DPP10: variants seen among roughly 807,000 people sequenced by gnomAD.
DPP10 encodes inactive dipeptidyl peptidase 10.
Under a neutral mutation model 120.9 loss-of-function variants are expected in DPP10, and 33 were observed. That is an observed-to-expected ratio of 0.27 (90% CI 0.21 to 0.37). The LOEUF (loss-of-function observed/expected upper bound fraction) is 0.37. DPP10 is among the 10% of genes least tolerant of loss of function. The probability of loss-of-function intolerance (pLI) is 1.00; values close to 1 mark genes in which losing one functional copy is unlikely to be tolerated. For synonymous variants in DPP10, 337 were observed against 326.1 expected (o/e 1.03, Z -0.36); for missense variants, 816 against 942.8 (o/e 0.87, Z 1.76).
rs548326612 is a variant in DPP10 at position 114,807,698 on chromosome 2, A to G, written c.60+364860A>G. On this transcript the variant is annotated intron_variant, in intron 1 of 25. Transcript: ENST00000410059. Reference sequence around the variant, plus strand: ...TGTTTCTGCACATAGTTTTGTTGATATAGTTGTTCCAGTTCTCTGTTGCTA... The same window carrying G: ...TGTTTCTGCACATAGTTTTGTTGATGTAGTTGTTCCAGTTCTCTGTTGCTA... 3.3e-5 allele frequency among the ~76,000 whole-genome samples: 5 copies of G among 152,278 alleles called. No homozygotes were observed. The South Asian group carries it at 8.3e-4, about 25-fold the overall frequency.
chr2:114,776,202 T>C (rs1411602992), intron 1 of DPP10, among the ~76,000 whole-genome samples: 4 of 152,192 alleles, frequency 2.6e-5, no homozygotes, highest in Admixed American at 1.3e-4. Context: ...GTTGATCCAA[T>C]TGAGTGAACA....
At chr2:115,335,419 A>G (rs1331132350) in intron 2 of DPP10, among the ~76,000 whole-genome samples, 2 of 152,056 alleles carry the variant, frequency 1.3e-5, no homozygotes, top group Non-Finnish European at 2.9e-5. Context: ...GTGATAAGTT[A>G]GGAAACATTA....
intron 1 of DPP10, among the ~76,000 whole-genome samples, chr2:114,451,135 C>G (rs1281316168): frequency 6.6e-6 from 1 of 151,582 alleles, no homozygotes; most frequent in Non-Finnish European, 1.5e-5. Context: ...GACAGAGAGA[C>G]AATGCAAGGC....
chr2:114,456,090 C>T (rs55950259), intron 1 of DPP10, among the ~76,000 whole-genome samples: 2,922 of 152,222 alleles, frequency 0.019, 92 homozygotes, highest in African/African-American at 0.067. Flanking sequence ...CAAAGTCTCA[C>T]GTTTTCATGG....
chr2:115,362,416 T>A (rs2064837042), intron 3 of DPP10, among the ~76,000 whole-genome samples: 1 of 152,200 alleles, frequency 6.6e-6, no homozygotes. Context: ...ATAGGTGACT[T>A]GTTCAAGAAC....
intron 1 of DPP10, among the ~76,000 whole-genome samples, chr2:114,836,147 TAAAG>T (rs1687716582): frequency 6.6e-6 from 1 of 152,140 alleles, no homozygotes; most frequent in Non-Finnish European, 1.5e-5. Flanking sequence ...CCTTTCTCAA[TAAAG>T]ATTTTCCTGA....
chr2:115,393,174 A>T (rs1299075399), intron 3 of DPP10, among the ~76,000 whole-genome samples: 1 of 151,900 alleles, frequency 6.6e-6, no homozygotes, highest in African/African-American at 2.4e-5. Context: ...TTAGCTGGAC[A>T]TGGTAGTGCG....
At chr2:115,276,449 C>G (rs776967128) in intron 1 of DPP10, among the ~76,000 whole-genome samples, 4 of 152,120 alleles carry the variant, frequency 2.6e-5, no homozygotes, top group Non-Finnish European at 5.9e-5. Context: ...ATTCTGCAAG[C>G]AAATATATAT....
At chr2:115,207,165 A>G (rs1173311367) in intron 1 of DPP10, among the ~76,000 whole-genome samples, 1 of 152,208 alleles carries the variant, frequency 6.6e-6, no homozygotes. Flanking sequence ...CAACTTTCAA[A>G]TGATTTTGCA....
rs142644687 is a variant in DPP10, at chr2:114,692,348, G to C, written c.60+249510G>C. On this transcript the variant is annotated intron_variant, in intron 1 of 25. Coordinates refer to ENST00000410059, the MANE Select transcript of DPP10 (RefSeq NM_020868.6). ...CCTAAATTTCATTGTTTACCCAAGA[G>C]TCATTCAGGAGCAGGTTGTTCAATT... 2.0e-4 allele frequency among the ~76,000 whole-genome samples: 31 copies of C among 152,142 alleles called. No homozygotes were observed. In the East Asian group the frequency reaches 4.6e-3, roughly 23 times the overall value.
At chr2:115,384,526 A>G (rs2066727427) in intron 3 of DPP10, among the ~76,000 whole-genome samples, 1 of 130,776 alleles carries the variant, frequency 7.6e-6, no homozygotes, top group Admixed American at 8.5e-5. Flanking sequence ...AAGAAGAGGA[A>G]GAAGAAGAAA....
At chr2:115,658,863 C>G (rs2088642361) in intron 5 of DPP10, among the ~76,000 whole-genome samples, 1 of 152,028 alleles carries the variant, frequency 6.6e-6, no homozygotes, top group Admixed American at 6.6e-5. Flanking sequence ...CTTGTCCAGC[C>G]TCCCATTTTA....
At chr2:115,031,291 G>A (rs974008416) in intron 1 of DPP10, among the ~76,000 whole-genome samples, 2 of 152,152 alleles carry the variant, frequency 1.3e-5, no homozygotes, top group South Asian at 2.1e-4. Flanking sequence ...GACACAAAGT[G>A]TAGGCAACAT....
intron 5 of DPP10, among the ~76,000 whole-genome samples, chr2:115,642,372 G>A (rs550121259): frequency 6.6e-6 from 1 of 152,162 alleles, no homozygotes; most frequent in South Asian, 2.1e-4. Flanking sequence ...AGGTGGGTGG[G>A]CTCATCCATT....
At position 115,707,646 on chromosome 2, in the gene DPP10, CAACTT is replaced by C. The variant is rs564358861; in HGVS notation, c.576+17728_576+17732del. Among the ~76,000 whole-genome samples the C allele has an allele frequency of 3.8e-4, 58 of 151,700 alleles. No individual in the cohort carries two copies. In the East Asian group the frequency reaches 6.2e-3, roughly 16 times the overall value. On this transcript the variant is annotated intron_variant, in intron 7 of 25. Coordinates refer to ENST00000410059, the MANE Select transcript of DPP10 (RefSeq NM_020868.6). The stretch of plus-strand genomic sequence containing the variant: ...TAAAAACAAAATAGAAGACTGAACA[CAACTT>C]AAATTATTATTATGGGACTAGTAAA...
chr2:114,476,642 T>C (rs56114661), intron 1 of DPP10, among the ~76,000 whole-genome samples: 11,801 of 152,262 alleles, frequency 0.078, 1,484 homozygotes, highest in African/African-American at 0.27. Context: ...GCCACAGTCC[T>C]GGAAAGTTCA....
At chr2:114,990,601 G>A (rs984846111) in intron 1 of DPP10, among the ~76,000 whole-genome samples, 1 of 151,992 alleles carries the variant, frequency 6.6e-6, no homozygotes, top group African/African-American at 2.4e-5. Context: ...AACAGTTAAT[G>A]TGATAACCTT....
chr2:115,480,774 C>T (rs2075380913), intron 3 of DPP10, among the ~76,000 whole-genome samples: 1 of 152,070 alleles, frequency 6.6e-6, no homozygotes, highest in Admixed American at 6.6e-5. Context: ...TAAAGAATCT[C>T]ATATCATGTT....
At chr2:114,790,872 C>A (rs1383273929) in intron 1 of DPP10, among the ~76,000 whole-genome samples, 7 of 152,174 alleles carry the variant, frequency 4.6e-5, no homozygotes, top group African/African-American at 1.2e-4. Context: ...TGGGCGAATA[C>A]GTGCAGGTCA....
Sources: allele counts gnomAD v4.1 joint callset (sites outside exome capture counted in the v4.1 genomes callset), GRCh38; gene constraint gnomAD v4.1.1; transcripts MANE v1.5; gene names NCBI Gene and HGNC (gene_info 2026-07-23, HGNC 2026-07-21).